Variants in MEGF10 observed in about 807,000 individuals in gnomAD.
MEGF10 encodes the protein multiple epidermal growth factor-like domains protein 10.
A neutral mutation model predicts 147.5 loss-of-function variants in MEGF10; 86 were observed. That is an observed-to-expected ratio of 0.58 (90% CI 0.49 to 0.70). The LOEUF (loss-of-function observed/expected upper bound fraction) is 0.70, where lower values mean the gene tolerates loss of function less well. MEGF10 is among the 30% of genes least tolerant of loss of function. The pLI, the probability that MEGF10 is intolerant of heterozygous loss-of-function variation, is 0.00. For synonymous variants in MEGF10, 478 were observed against 525.5 expected (o/e 0.91, Z 1.24); for missense variants, 1,329 against 1,487.3 (o/e 0.89, Z 1.75).
chr5:127,373,281 A>G (rs932865068), intron 5 of MEGF10, among the ~76,000 whole-genome samples: 3 of 152,072 alleles, frequency 2.0e-5, no homozygotes, highest in Non-Finnish European at 4.4e-5. Context: ...CCTCCCTAGT[A>G]GCTGGGCTTA....
At chr5:127,440,674 C>T (rs1296206255) in intron 17 of MEGF10, 65 bp from the exon 18 acceptor site, 31 of 1,560,124 alleles carry the variant, frequency 2.0e-5, no homozygotes, top group Non-Finnish European at 2.7e-5. Context: ...ATGTTGGAGG[C>T]ACGAGCCTCC....
the MEGF10 span, among the ~76,000 whole-genome samples, chr5:127,255,501 T>C: frequency 1.3e-5 from 2 of 152,264 alleles, no homozygotes; most frequent in Admixed American, 6.5e-5. Context: ...TTATCATCCT[T>C]GCTTGGCCTA....
At chr5:127,242,229 A>G in the MEGF10 span, among the ~76,000 whole-genome samples, 2 of 152,182 alleles carry the variant, frequency 1.3e-5, no homozygotes, top group Non-Finnish European at 2.9e-5. Flanking sequence ...CCTATAAGGA[A>G]GTCATGTCGT....
At chr5:127,319,865 A>G (rs577268747) in intron 1 of MEGF10, among the ~76,000 whole-genome samples, 1 of 152,316 alleles carries the variant, frequency 6.6e-6, no homozygotes, top group African/African-American at 2.4e-5. Flanking sequence ...GCGTATAGCA[A>G]TTCGTATTAT....
intron 1 of MEGF10, among the ~76,000 whole-genome samples, chr5:127,296,661 T>C (rs1483025194): frequency 1.3e-5 from 2 of 152,210 alleles, no homozygotes; most frequent in Admixed American, 6.5e-5. Flanking sequence ...ATGGATCTTT[T>C]GAATACCTTC....
intron 9 of MEGF10, among the ~76,000 whole-genome samples, chr5:127,412,124 G>A (rs1243645910): frequency 2.6e-5 from 4 of 152,218 alleles, no homozygotes; most frequent in Non-Finnish European, 5.9e-5. Context: ...AAGCATATAT[G>A]TGTTAACAAA....
At chr5:127,438,700 G>A (rs1765646211) in intron 17 of MEGF10, 133 bp downstream of exon 17, 2 of 856,448 alleles carry the variant, frequency 2.3e-6, no homozygotes, top group Non-Finnish European at 1.8e-6. Flanking sequence ...CTAATGACCT[G>A]TAGACATATA....
At chr5:127,356,184 C>T (rs1762275507) in intron 4 of MEGF10, among the ~76,000 whole-genome samples, 1 of 152,206 alleles carries the variant, frequency 6.6e-6, no homozygotes, top group Non-Finnish European at 1.5e-5. Context: ...GGTGACAGAA[C>T]TTGCATGTTT....
chr5:127,448,327 T>A (rs147756643), intron 21 of MEGF10, among the ~76,000 whole-genome samples: 2 of 152,328 alleles, frequency 1.3e-5, no homozygotes, highest in African/African-American at 2.4e-5. Context: ...GAGTGATTAT[T>A]ATGCCGATTT....
chr5:127,314,357 A>G (rs1760430214), intron 1 of MEGF10, among the ~76,000 whole-genome samples: 1 of 152,206 alleles, frequency 6.6e-6, no homozygotes, highest in Non-Finnish European at 1.5e-5. Context: ...ATAGGAGACA[A>G]GACAAAACCA....
rs563704535 is a variant in MEGF10 at position 127,405,500 on chromosome 5, A to G, written c.917+2818A>G. On this transcript the variant is annotated intron_variant, in intron 8 of 24. Transcript: ENST00000503335. Reference sequence around the variant, plus strand: ...CTACCAAACTTTCAAGGTAATTTTAATGTTGTTTTTAGCAAACTCTGGAGT... The same window carrying G: ...CTACCAAACTTTCAAGGTAATTTTAGTGTTGTTTTTAGCAAACTCTGGAGT... Among the ~76,000 whole-genome samples, 3 of 152,156 alleles carry G rather than the reference A, an allele frequency of 2.0e-5. No individual in the cohort carries two copies. In the South Asian group the frequency reaches 6.2e-4, roughly 32 times the overall value.
the MEGF10 span, among the ~76,000 whole-genome samples, chr5:127,268,341 A>T: frequency 3.4e-3 from 517 of 152,300 alleles, 1 homozygote; most frequent in African/African-American, 0.012. Flanking sequence ...CTTCCAACTA[A>T]GTGGTCAGTT....
chr5:127,354,476 A>G (rs1762202796), intron 4 of MEGF10, among the ~76,000 whole-genome samples: 1 of 152,182 alleles, frequency 6.6e-6, no homozygotes, highest in African/African-American at 2.4e-5. Context: ...TGCCTGGAAC[A>G]TTGTGTTTAG....
At chr5:127,239,488 C>T in the MEGF10 span, among the ~76,000 whole-genome samples, 1 of 143,186 alleles carries the variant, frequency 7.0e-6, no homozygotes, top group Non-Finnish European at 1.5e-5. Flanking sequence ...TATATATACA[C>T]ACACACACAC....
At chr5:127,356,540 G>A (rs1762287173) in intron 4 of MEGF10, among the ~76,000 whole-genome samples, 1 of 152,120 alleles carries the variant, frequency 6.6e-6, no homozygotes, top group Non-Finnish European at 1.5e-5. Flanking sequence ...GGGCAAAAGT[G>A]GTTATGGCAA....
chr5:127,380,087 G>C (rs1384504539), intron 5 of MEGF10, among the ~76,000 whole-genome samples: 1 of 139,786 alleles, frequency 7.2e-6, no homozygotes, highest in African/African-American at 2.7e-5. Flanking sequence ...TTTCTTGTCT[G>C]TCTTCCCCTC....
intron 2 of MEGF10, among the ~76,000 whole-genome samples, chr5:127,333,630 C>G (rs1412429213): frequency 6.6e-6 from 1 of 152,210 alleles, no homozygotes; most frequent in East Asian, 1.9e-4. Context: ...CAGCAGTTGA[C>G]CAGAGCTGCC....
intron 1 of MEGF10, among the ~76,000 whole-genome samples, chr5:127,317,299 T>C (rs1480941971): frequency 6.6e-6 from 1 of 152,234 alleles, no homozygotes. Context: ...TAGTTTCTTT[T>C]GCTGTGCAGA....
intron 5 of MEGF10, among the ~76,000 whole-genome samples, chr5:127,390,962 G>C (rs1763634307): frequency 6.6e-6 from 1 of 152,142 alleles, no homozygotes; most frequent in Non-Finnish European, 1.5e-5. Flanking sequence ...GTCACTATGA[G>C]AGTTAATCTA....
Sources: allele counts gnomAD v4.1 joint callset (sites outside exome capture counted in the v4.1 genomes callset), GRCh38; gene constraint gnomAD v4.1.1; transcripts MANE v1.5; gene names NCBI Gene and HGNC (gene_info 2026-07-23, HGNC 2026-07-21).